Variants in TSPAN13 observed in about 807,000 individuals in gnomAD.
TSPAN13 encodes the protein tetraspanin-13.
TSPAN13 carries 18 observed loss-of-function variants against 26.9 expected under a neutral mutation model. The ratio of observed to expected loss-of-function variants is 0.67; its 90% CI spans 0.46 to 0.99. The LOEUF (loss-of-function observed/expected upper bound fraction) is 0.99. TSPAN13 is among the 50% of genes least tolerant of loss of function. The pLI is 0.00. For synonymous variants in TSPAN13, 116 were observed against 98.4 expected (o/e 1.18, Z -1.06); for missense variants, 201 against 249.6 (o/e 0.81, Z 1.31).
intron 1 of TSPAN13, among the ~76,000 whole-genome samples, chr7:16,769,164 C>G (rs899578673): frequency 6.6e-6 from 1 of 152,046 alleles, no homozygotes; most frequent in African/African-American, 2.4e-5. Flanking sequence ...TGGTTTTTAA[C>G]TTATTTAGTT....
At position 16,758,369 on chromosome 7, in the gene TSPAN13, A is replaced by G. The variant is rs898483847; in HGVS notation, c.63+4339A>G. Among the ~76,000 whole-genome samples, 6 of 152,302 alleles carry G rather than the reference A, an allele frequency of 3.9e-5. No individual in the cohort carries two copies. In the East Asian group the frequency reaches 1.2e-3, roughly 29 times the overall value. On this transcript the variant is annotated intron_variant, in intron 1 of 5. Coordinates refer to ENST00000262067, the MANE Select transcript of TSPAN13 (RefSeq NM_014399.4). ...GCTTACTTTGAGTTTCAGTTTCTTC[A>G]TATATAAATTGGTGATGATATTTTT... is the stretch of plus-strand genomic sequence containing the variant.
chr7:16,772,618 ACATT>A (rs1466800706), intron 1 of TSPAN13, among the ~76,000 whole-genome samples: 1 of 152,064 alleles, frequency 6.6e-6, no homozygotes, highest in East Asian at 1.9e-4. Context: ...ACCTGTTATG[ACATT>A]TAGGGCCCAC....
chr7:16,778,796 C>T (rs1182829016), intron 4 of TSPAN13, among the ~76,000 whole-genome samples: 1 of 152,040 alleles, frequency 6.6e-6, no homozygotes, highest in Admixed American at 6.5e-5. Context: ...CACGCATACT[C>T]AAGAGCAGTG....
At chr7:16,767,636 G>A (rs1784621612) in intron 1 of TSPAN13, among the ~76,000 whole-genome samples, 1 of 152,122 alleles carries the variant, frequency 6.6e-6, no homozygotes, top group Admixed American at 6.5e-5. Context: ...GTTATATAAA[G>A]TAGCTACAAC....
chr7:16,773,802 T>C (rs1380380), intron 1 of TSPAN13, among the ~76,000 whole-genome samples: 92,117 of 152,018 alleles, frequency 0.61, 29,369 homozygotes, highest in African/African-American at 0.81. Flanking sequence ...TTAGTAATAC[T>C]CTTATTCATG....
rs183128262 is a variant in TSPAN13, at chr7:16,772,824, C to T, written c.64-3387C>T. Among the ~76,000 whole-genome samples, 54 of 151,934 alleles carry T rather than the reference C, an allele frequency of 3.6e-4. 1 individual carries two copies. The East Asian group carries it at 8.4e-3, about 24-fold the overall frequency. On this transcript the variant is annotated intron_variant, in intron 1 of 5. Coordinates refer to ENST00000262067, the MANE Select transcript of TSPAN13 (RefSeq NM_014399.4). ...CAGCCTGGCCAACATGGTGAAACCC[C>T]GTCTCTACTAAAAATACAAAAATTA...
chr7:16,754,006 G>T lies in TSPAN13; in HGVS notation c.39G>T (p.Leu13=), dbSNP rs574253972. The T allele has an allele frequency of 1.9e-6, 3 of 1,613,776 alleles. No homozygotes were observed. Among genetic ancestry groups the T allele is most frequent in the Admixed American group, 3.3e-5 (2 of 60,002 alleles). Residue 13 remains leucine, a synonymous_variant, in exon 1 of 6, where the codon CTG becomes CTT. Coordinates refer to ENST00000262067, the MANE Select transcript of TSPAN13 (RefSeq NM_014399.4). ...GCTTCGCGTGTTCCAAGAACTGCCTGTGCGCCCTCAACCTGCTTTACACCG... is the reference window on the plus strand; with the variant it reads ...GCTTCGCGTGTTCCAAGAACTGCCTTTGCGCCCTCAACCTGCTTTACACCG... The part of the protein sequence containing the change: ...CGGFACSKNC[L]CALNLLYTLV...
intron 1 of TSPAN13, among the ~76,000 whole-genome samples, chr7:16,762,383 T>TA (rs1784552365): frequency 6.6e-6 from 1 of 152,182 alleles, no homozygotes; most frequent in African/African-American, 2.4e-5. Context: ...GTCTGGTGCT[T>TA]AAAGTGTAGA....
intron 1 of TSPAN13, among the ~76,000 whole-genome samples, chr7:16,771,045 A>G (rs1340662908): frequency 1.3e-5 from 2 of 152,154 alleles, no homozygotes; most frequent in African/African-American, 4.8e-5. Flanking sequence ...TCTCAGTTCC[A>G]CTTCCTAGCT....
chr7:16,773,198 G>C (rs1784701267), intron 1 of TSPAN13, among the ~76,000 whole-genome samples: 1 of 150,620 alleles, frequency 6.6e-6, no homozygotes, highest in African/African-American at 2.5e-5. Flanking sequence ...TTGATTATTT[G>C]TCCTATTGTA....
intron 1 of TSPAN13, among the ~76,000 whole-genome samples, chr7:16,757,810 C>G (rs1233287184): frequency 1.3e-5 from 2 of 152,096 alleles, no homozygotes; most frequent in Non-Finnish European, 2.9e-5. Context: ...TTTATCACCT[C>G]TGAAGTTGGG....
chr7:16,777,214 G>A (rs1012037815), intron 3 of TSPAN13, 92 bp downstream of exon 3: 37 of 932,960 alleles, frequency 4.0e-5, no homozygotes, highest in East Asian at 1.2e-4. Flanking sequence ...AAATAATTTC[G>A]TCTTGCACAG....
intron 4 of TSPAN13, 23 bp downstream of exon 4, chr7:16,777,934 GT>G: frequency 6.5e-7 from 1 of 1,544,318 alleles, no homozygotes; most frequent in Non-Finnish European, 8.9e-7. Flanking sequence ...TATAATATAT[GT>G]TTTTGGAAAT....
chr7:16,763,608 A>G (rs1475516123), intron 1 of TSPAN13, among the ~76,000 whole-genome samples: 1 of 152,176 alleles, frequency 6.6e-6, no homozygotes, highest in African/African-American at 2.4e-5. Flanking sequence ...GCTAGGTCAG[A>G]TGAACCTGTT....
At position 16,753,872 on chromosome 7, in the gene TSPAN13, C is replaced by A; in HGVS notation, c.-96C>A. On this transcript the variant is annotated 5_prime_UTR_variant, in exon 1 of 6. In the 5' UTR this introduces an upstream ATG that the reference lacks. Coordinates refer to ENST00000262067, the MANE Select transcript of TSPAN13 (RefSeq NM_014399.4). ...ACCCACGTCTGCGTTGCTGCCCCGC[C>A]TGGGCCAGGCCCCAAAGGCAAGGAC... 7.4e-7 allele frequency: 1 copy of A among 1,351,222 alleles called. No homozygotes were observed. Among genetic ancestry groups the A allele is most frequent in the Non-Finnish European group, 1.0e-6 (1 of 964,618 alleles). The allele number at this position is 1,351,222 out of a possible 1,614,324, so 83.7% of individuals were successfully genotyped here. A position where few individuals can be genotyped will look rare whatever the true frequency, so the allele number is the denominator to read the frequency against.
intron 2 of TSPAN13, 107 bp downstream of exon 2, chr7:16,776,485 A>C (rs1562520713): frequency 1.9e-6 from 2 of 1,052,046 alleles, no homozygotes; most frequent in Non-Finnish European, 2.8e-6. Flanking sequence ...AACTCCAAGC[A>C]AGCCTTATGC....
chr7:16,781,147 T>C (rs1784809600), intron 5 of TSPAN13, among the ~76,000 whole-genome samples: 1 of 152,200 alleles, frequency 6.6e-6, no homozygotes, highest in Non-Finnish European at 1.5e-5. Flanking sequence ...AAAGCTATGA[T>C]TAATATATGT....
chr7:16,777,264 C>T, intron 3 of TSPAN13, 142 bp downstream of exon 3: 1 of 617,378 alleles, frequency 1.6e-6, no homozygotes. Context: ...TCTCTTGTTC[C>T]CTTTGCATTA....
At chr7:16,779,776 C>T (rs1583796343) in intron 5 of TSPAN13, among the ~76,000 whole-genome samples, 3 of 143,122 alleles carry the variant, frequency 2.1e-5, no homozygotes, top group South Asian at 2.2e-4. Context: ...GATTAATATT[C>T]TTTTTTTTTT....
Sources: gnomAD v4.1 joint callset for allele counts (sites outside exome capture counted in the v4.1 genomes callset) on GRCh38, gnomAD v4.1.1 for gene constraint, MANE v1.5 for transcripts, NCBI Gene and HGNC (gene_info 2026-07-23, HGNC 2026-07-21) for gene names.